SLC9C2: variants seen among roughly 807,000 people sequenced by gnomAD.
SLC9C2 encodes the protein sodium/hydrogen exchanger 11.
In SLC9C2, 75 loss-of-function variants were observed where a neutral mutation model predicts 140.2. The ratio of observed to expected loss-of-function variants is 0.53; its 90% CI spans 0.44 to 0.65. The LOEUF is 0.65. SLC9C2 is among the 30% of genes least tolerant of loss of function. The pLI is 0.00. For synonymous variants in SLC9C2, 375 were observed against 420.9 expected (o/e 0.89, Z 1.34); for missense variants, 1,074 against 1,331.8 (o/e 0.81, Z 3.01).
chr1:173,578,948 G>T lies in SLC9C2; in HGVS notation c.803-2188C>A, dbSNP rs535777145. 4.3e-4 allele frequency among the ~76,000 whole-genome samples: 65 copies of T among 152,292 alleles called. 1 individual carries two copies. Among genetic ancestry groups the T allele is most frequent in the African/African-American group, 1.5e-3 (62 of 41,550 alleles). ...GAATGTAGGACTTCAACGTCTTTTG[G>T]GGGGACACAATTCAACCTAAAACAG... is the stretch of plus-strand genomic sequence containing the variant. On this transcript the variant is annotated intron_variant, in intron 7 of 27. Coordinates refer to ENST00000367714, the MANE Select transcript of SLC9C2 (RefSeq NM_178527.4).
At chr1:173,540,011 G>T (rs1247659379) in intron 13 of SLC9C2, among the ~76,000 whole-genome samples, 2 of 152,172 alleles carry the variant, frequency 1.3e-5, no homozygotes, top group African/African-American at 4.8e-5. Flanking sequence ...GACTGGTTTT[G>T]TGATTTGCTT....
chr1:173,585,568 G>A (rs1665801656), intron 5 of SLC9C2, among the ~76,000 whole-genome samples: 1 of 152,132 alleles, frequency 6.6e-6, no homozygotes, highest in African/African-American at 2.4e-5. Flanking sequence ...AGGAGACAAT[G>A]CTACTGGATC....
chr1:173,564,473 A>G (rs192749376), intron 9 of SLC9C2, among the ~76,000 whole-genome samples: 4 of 152,274 alleles, frequency 2.6e-5, no homozygotes, highest in Admixed American at 6.5e-5. Flanking sequence ...GCACATTTTC[A>G]TATACCTGTT....
chr1:173,596,191 T>G (rs574816690), intron 4 of SLC9C2, among the ~76,000 whole-genome samples: 1 of 152,330 alleles, frequency 6.6e-6, no homozygotes, highest in South Asian at 2.1e-4. Flanking sequence ...AATGGAAGAA[T>G]GTTTGTTTCC....
At chr1:173,503,065 C>T (rs1047240121) in intron 27 of SLC9C2, among the ~76,000 whole-genome samples, 1 of 152,180 alleles carries the variant, frequency 6.6e-6, no homozygotes, top group East Asian at 1.9e-4. Context: ...GGCAAAATTA[C>T]ATCTTTCAAA....
intron 11 of SLC9C2, among the ~76,000 whole-genome samples, chr1:173,550,815 T>A (rs1202409288): frequency 6.8e-6 from 1 of 146,276 alleles, no homozygotes; most frequent in African/African-American, 2.6e-5. Context: ...TCCCAGCTAC[T>A]CTGGAGGCTG....
rs141112700 is a variant in SLC9C2 at position 173,533,135 on chromosome 1, T to G, written c.2163+474A>C. Among the ~76,000 whole-genome samples, 604 of 152,288 alleles carry G rather than the reference T, an allele frequency of 4.0e-3. 7 individuals are homozygous for G. Among genetic ancestry groups the G allele is most frequent in the African/African-American group, 0.014 (580 of 41,568 alleles). On this transcript the variant is annotated intron_variant, in intron 17 of 27. Transcript: ENST00000367714. ...TTGAAGGTGACGAGAAAGGGAACCA[T>G]GCAGATACCTATTGAGAGGGTGTTC...
At chr1:173,580,355 C>CT (rs60721581) in intron 7 of SLC9C2, among the ~76,000 whole-genome samples, 22,565 of 146,300 alleles carry the variant, frequency 0.15, 2,208 homozygotes, top group East Asian at 0.33. Context: ...TGATATAACA[C>CT]TTTTTTTTTT....
chr1:173,530,937 T>C (rs1055976860), intron 17 of SLC9C2, among the ~76,000 whole-genome samples: 1 of 152,158 alleles, frequency 6.6e-6, no homozygotes, highest in African/African-American at 2.4e-5. Context: ...TTTGAAATTT[T>C]GGACAAAGGG....
chr1:173,545,626 C>T (rs1251956293), intron 13 of SLC9C2, among the ~76,000 whole-genome samples: 1 of 152,076 alleles, frequency 6.6e-6, no homozygotes, highest in Non-Finnish European at 1.5e-5. Flanking sequence ...GAGCCTCTCG[C>T]CTGGATTGCA....
At chr1:173,519,336 C>G (rs1456258618) in intron 22 of SLC9C2, among the ~76,000 whole-genome samples, 2 of 152,114 alleles carry the variant, frequency 1.3e-5, no homozygotes, top group Non-Finnish European at 2.9e-5. Flanking sequence ...CTAGATCTGC[C>G]AACAACCTCA....
chr1:173,594,575 T>G (rs1412895462), intron 4 of SLC9C2, among the ~76,000 whole-genome samples: 1 of 152,008 alleles, frequency 6.6e-6, no homozygotes, highest in Admixed American at 6.6e-5. Context: ...TGTAGATGAG[T>G]GTAGAGAAGC....
intron 9 of SLC9C2, among the ~76,000 whole-genome samples, chr1:173,570,061 C>A (rs1664746399): frequency 6.6e-6 from 1 of 152,222 alleles, no homozygotes; most frequent in East Asian, 1.9e-4. Flanking sequence ...CCCTTCAGGG[C>A]AGAGGTCTCC....
chr1:173,535,905 C>T lies in SLC9C2; in HGVS notation c.1700G>A (p.Ser567Asn), dbSNP rs1661918056. Residue 567 changes from serine to asparagine, a missense_variant, in exon 15 of 28, where the codon AGT becomes AAT. By Grantham distance (46) the Ser-to-Asn change is conservative. Transcript: ENST00000367714. Reference sequence around the variant, plus strand: ...AACATTTTTAAACTTTATAAGCCAACTTCTAGTTCTCATATAAGTTGAAAC... The same window carrying T: ...AACATTTTTAAACTTTATAAGCCAATTTCTAGTTCTCATATAAGTTGAAAC... ...YDVSTYMRTR[S>N]WLIKFKNVLT... 6.6e-7 allele frequency: 1 copy of T among 1,511,130 alleles called. No homozygotes were observed. Among genetic ancestry groups the T allele is most frequent in the Non-Finnish European group, 8.9e-7 (1 of 1,124,816 alleles). The allele number at this position is 1,511,130 out of a possible 1,614,324, so 93.6% of individuals were successfully genotyped here.
At chr1:173,547,187 T>A (rs1237517466) in intron 13 of SLC9C2, among the ~76,000 whole-genome samples, 2 of 152,094 alleles carry the variant, frequency 1.3e-5, no homozygotes, top group African/African-American at 4.8e-5. Context: ...TTTGACAAGC[T>A]GGTATAAACT....
intron 11 of SLC9C2, among the ~76,000 whole-genome samples, chr1:173,550,917 G>A (rs1286668302): frequency 1.1e-5 from 1 of 91,102 alleles, no homozygotes; most frequent in Non-Finnish European, 2.2e-5. Context: ...AGAAGGAAGG[G>A]AAGGGAAGAG....
chr1:173,536,248 C>T (rs1661949213), intron 14 of SLC9C2, among the ~76,000 whole-genome samples: 1 of 152,208 alleles, frequency 6.6e-6, no homozygotes, highest in African/African-American at 2.4e-5. Flanking sequence ...GCCCAACCCT[C>T]TCCAAGGCCC....
chr1:173,503,034 AG>A (rs1468981330), intron 27 of SLC9C2, among the ~76,000 whole-genome samples: 5 of 152,162 alleles, frequency 3.3e-5, no homozygotes, highest in Non-Finnish European at 7.4e-5. Context: ...AATATCAGTG[AG>A]GGGGGTAAAA....
chr1:173,527,357 G>C (rs1661277372), intron 18 of SLC9C2, among the ~76,000 whole-genome samples: 1 of 152,164 alleles, frequency 6.6e-6, no homozygotes. Context: ...ACTCCACTGT[G>C]CACCAAGGAG....
Sources: allele counts gnomAD v4.1 joint callset (sites outside exome capture counted in the v4.1 genomes callset), GRCh38; gene constraint gnomAD v4.1.1; transcripts MANE v1.5; gene names NCBI Gene and HGNC (gene_info 2026-07-23, HGNC 2026-07-21).